The following RAB40C variants were observed in gnomAD, a reference collection of about 807,000 sequenced individuals.
The protein encoded by RAB40C is ras-related protein Rab-40C.
In RAB40C, 8 loss-of-function variants were observed where a neutral mutation model predicts 28.1. That is an observed-to-expected ratio of 0.28 (90% CI 0.17 to 0.51). The LOEUF (loss-of-function observed/expected upper bound fraction) is 0.51. Among genes scored for constraint, RAB40C ranks in the 20% least tolerant of loss-of-function variants. The probability of loss-of-function intolerance (pLI) is 0.97; values close to 1 mark genes in which losing one functional copy is unlikely to be tolerated. For missense variants in RAB40C, 288 were observed against 405.9 expected (o/e 0.71, Z 2.50); for synonymous variants, 201 against 171.7 (o/e 1.17, Z -1.34).
intron 1 of RAB40C, among the ~76,000 whole-genome samples, chr16:591,291 A>G (rs1383022667): frequency 2.7e-5 from 4 of 150,314 alleles, no homozygotes; most frequent in South Asian, 4.3e-4. Context: ...GGAAGGCATC[A>G]TGGTCCTAAG....
intron 3 of RAB40C, among the ~76,000 whole-genome samples, chr16:622,616 T>A (rs2151079705): frequency 6.6e-6 from 1 of 152,330 alleles, no homozygotes; most frequent in Middle Eastern, 3.4e-3. Flanking sequence ...CACGCCATTC[T>A]CCTGCCTCAG....
intron 1 of RAB40C, among the ~76,000 whole-genome samples, chr16:592,121 G>A (rs903859382): frequency 3.9e-5 from 6 of 152,216 alleles, no homozygotes; most frequent in African/African-American, 9.6e-5. Flanking sequence ...GTCCATCTGC[G>A]CTTCAGGGAA....
At chr16:603,380 G>T (rs1255663697) in intron 1 of RAB40C, among the ~76,000 whole-genome samples, 1 of 152,206 alleles carries the variant, frequency 6.6e-6, no homozygotes, top group Non-Finnish European at 1.5e-5. Context: ...GTGGACGTGG[G>T]CTGTCCTTGT....
intron 3 of RAB40C, among the ~76,000 whole-genome samples, chr16:621,572 C>G (rs1005718897): frequency 5.3e-5 from 8 of 152,238 alleles, no homozygotes; most frequent in African/African-American, 1.9e-4. Flanking sequence ...AGGCCGGGCT[C>G]CCTAGACTTC....
chr16:620,277 C>G (rs1327112847), intron 3 of RAB40C, among the ~76,000 whole-genome samples: 1 of 151,952 alleles, frequency 6.6e-6, no homozygotes, highest in Non-Finnish European at 1.5e-5. Context: ...CTTATAATCC[C>G]AGCTACTTAG....
chr16:621,936 G>T (rs967740020), intron 3 of RAB40C, among the ~76,000 whole-genome samples: 3 of 152,164 alleles, frequency 2.0e-5, no homozygotes, highest in Admixed American at 6.5e-5. Flanking sequence ...GATGTGAGTG[G>T]GCGCGGCTTG....
intron 1 of RAB40C, among the ~76,000 whole-genome samples, chr16:600,023 C>T (rs56088882): frequency 4.2e-5 from 6 of 143,862 alleles, no homozygotes; most frequent in African/African-American, 1.0e-4. Context: ...AGCGTGGATT[C>T]GCAAGGTTTT....
At chr16:611,405 G>A (rs576077038) in intron 1 of RAB40C, among the ~76,000 whole-genome samples, 24 of 152,320 alleles carry the variant, frequency 1.6e-4, no homozygotes, top group African/African-American at 5.3e-4. Context: ...TGTGGCAATC[G>A]TGGTGTCCAA....
At chr16:603,837 A>G (rs2036304119) in intron 1 of RAB40C, among the ~76,000 whole-genome samples, 2 of 152,254 alleles carry the variant, frequency 1.3e-5, no homozygotes, top group East Asian at 1.9e-4. Flanking sequence ...TCCAGACATC[A>G]TGGATACGAA....
intron 1 of RAB40C, among the ~76,000 whole-genome samples, chr16:614,341 G>T (rs79629296): frequency 3.3e-5 from 3 of 92,022 alleles, no homozygotes; most frequent in Non-Finnish European, 4.6e-5. Context: ...TAACTCTGCC[G>T]CATCCCGATG....
At chr16:596,995 G>A (rs984882870) in intron 1 of RAB40C, among the ~76,000 whole-genome samples, 9 of 152,168 alleles carry the variant, frequency 5.9e-5, no homozygotes, top group South Asian at 2.1e-4. Context: ...AGAAATTAGC[G>A]GAGGGACAAG....
At chr16:599,201 C>T (rs1024565271) in intron 1 of RAB40C, among the ~76,000 whole-genome samples, 5 of 152,242 alleles carry the variant, frequency 3.3e-5, no homozygotes, top group Non-Finnish European at 7.3e-5. Flanking sequence ...GCCCAGGCCC[C>T]GGCCCCGGCC....
At chr16:619,576 G>A (rs965310497) in intron 3 of RAB40C, among the ~76,000 whole-genome samples, 3 of 152,304 alleles carry the variant, frequency 2.0e-5, no homozygotes, top group Middle Eastern at 3.4e-3. Context: ...GGATTTGAGC[G>A]GGTCTGTCCT....
At chr16:620,841 G>T (rs1432516807) in intron 3 of RAB40C, among the ~76,000 whole-genome samples, 13 of 149,684 alleles carry the variant, frequency 8.7e-5, no homozygotes, top group African/African-American at 2.5e-4. Context: ...CCCCCCCGAC[G>T]GGCTCCACCG....
At chr16:625,348 G>C in intron 3 of RAB40C, 84 bp from the exon 4 acceptor site, 1 of 1,556,786 alleles carries the variant, frequency 6.4e-7, no homozygotes. Flanking sequence ...CCCGGGAACT[G>C]AGGCCCCTGC....
intron 1 of RAB40C, among the ~76,000 whole-genome samples, chr16:595,413 G>A: frequency 6.6e-6 from 1 of 152,130 alleles, no homozygotes; most frequent in Non-Finnish European, 1.5e-5. Flanking sequence ...CTCTTCCCCT[G>A]TCCTCCTCAC....
At chr16:627,289 A>C in intron 5 of RAB40C, 53 bp from the exon 6 acceptor site, 1 of 1,548,048 alleles carries the variant, frequency 6.5e-7, no homozygotes. Flanking sequence ...GTCTCCCTGC[A>C]CAGGGCCTCC....
intron 1 of RAB40C, among the ~76,000 whole-genome samples, chr16:601,995 G>A (rs577003051): frequency 2.2e-4 from 33 of 151,842 alleles, no homozygotes; most frequent in Admixed American, 1.6e-3. Flanking sequence ...GTGTGGTGTC[G>A]GGCACCTGTA....
chr16:625,054 C>T, intron 3 of RAB40C: 3 of 1,294,944 alleles, frequency 2.3e-6, no homozygotes, highest in Non-Finnish European at 3.0e-6. Context: ...CCAGGTACTC[C>T]CGGGGGGATT....
Sources: allele counts gnomAD v4.1 joint callset (sites outside exome capture counted in the v4.1 genomes callset), GRCh38; gene constraint gnomAD v4.1.1; transcripts MANE v1.5; gene names NCBI Gene and HGNC (gene_info 2026-07-23, HGNC 2026-07-21).